Variants in CYRIB observed in about 807,000 individuals in gnomAD.
The protein encoded by CYRIB is CYFIP related Rac1 interactor B.
Under a neutral mutation model 44.2 loss-of-function variants are expected in CYRIB, and 8 were observed. The observed-to-expected ratio is 0.18, with a 90% CI of 0.11 to 0.33. CYRIB has a LOEUF of 0.33. Ranked by LOEUF, CYRIB falls within the 10% of genes least tolerant of loss-of-function variation. The pLI is 1.00. For missense variants in CYRIB, 185 were observed against 382.8 expected (o/e 0.48, Z 4.31); for synonymous variants, 131 against 127.2 (o/e 1.03, Z -0.20).
intron 2 of CYRIB, chr8:129,890,726 C>T (rs2065001932): frequency 6.6e-6 from 1 of 151,776 alleles, no homozygotes; most frequent in Non-Finnish European, 1.5e-5. Flanking sequence ...AACTCCGCCT[C>T]TACTAAAAAT....
At chr8:129,952,659 G>A (rs2094566966) in intron 2 of CYRIB, among the ~76,000 whole-genome samples, 2 of 152,024 alleles carry the variant, frequency 1.3e-5, no homozygotes, top group South Asian at 2.1e-4. Context: ...GAAGAGAAGA[G>A]GAAGCAGAAG....
At chr8:129,922,388 A>C (rs977515007) in intron 1 of CYRIB, among the ~76,000 whole-genome samples, 26 of 152,222 alleles carry the variant, frequency 1.7e-4, no homozygotes, top group African/African-American at 5.3e-4. Flanking sequence ...TATAACTCTA[A>C]AGTATAAATA....
chr8:130,005,596 G>A (rs2097037311), intron 1 of CYRIB, among the ~76,000 whole-genome samples: 1 of 152,126 alleles, frequency 6.6e-6, no homozygotes, highest in African/African-American at 2.4e-5. Flanking sequence ...AGGTTACATT[G>A]TGTGAGATAC....
intron 1 of CYRIB, among the ~76,000 whole-genome samples, chr8:129,933,921 A>C (rs1048310524): frequency 6.7e-6 from 1 of 148,714 alleles, no homozygotes; most frequent in African/African-American, 2.5e-5. Flanking sequence ...GAAGAAGAAG[A>C]ACCTGATGTG....
chr8:129,867,287 C>CA (rs2054193843), intron 4 of CYRIB, among the ~76,000 whole-genome samples: 3 of 131,126 alleles, frequency 2.3e-5, no homozygotes, highest in African/African-American at 8.3e-5. Flanking sequence ...CCACACCTGG[C>CA]TTTTTTTTTT....
intron 1 of CYRIB, among the ~76,000 whole-genome samples, chr8:129,996,043 C>T (rs1348526633): frequency 6.6e-6 from 1 of 152,190 alleles, no homozygotes; most frequent in Non-Finnish European, 1.5e-5. Context: ...CCCTGCTCTA[C>T]CCTCCACAAT....
rs1299658740 is a variant in CYRIB at position 129,868,465 on chromosome 8, T to C, written c.195+2910A>G. The C allele has an allele frequency of 2.0e-5, 3 of 152,222 alleles. No homozygotes were observed. In the East Asian group the frequency reaches 5.8e-4, roughly 29 times the overall value. The allele number at this position is 152,222 out of a possible 1,614,324, so 9.4% of individuals were successfully genotyped here. ...ATTGCTTTTTACTTTTCCCTTATATTTTGGTGTTCTTCAATGTTATTTTTC... is the reference window on the plus strand; with the variant it reads ...ATTGCTTTTTACTTTTCCCTTATATCTTGGTGTTCTTCAATGTTATTTTTC... On this transcript the variant is annotated intron_variant, in intron 4 of 11. Coordinates refer to ENST00000519824, the Ensembl canonical transcript of CYRIB.
chr8:129,882,544 C>A (rs2061167034), intron 2 of CYRIB, among the ~76,000 whole-genome samples: 1 of 152,148 alleles, frequency 6.6e-6, no homozygotes, highest in African/African-American at 2.4e-5. Context: ...GAATGAAGCC[C>A]ATATTTATCA....
chr8:129,910,675 G>A (rs1413550020), intron 1 of CYRIB, among the ~76,000 whole-genome samples: 2 of 152,034 alleles, frequency 1.3e-5, no homozygotes, highest in East Asian at 3.9e-4. Flanking sequence ...ACATACAACT[G>A]TCGTCTCAGC....
At chr8:129,870,881 G>T (rs1214003612) in intron 4 of CYRIB, among the ~76,000 whole-genome samples, 1 of 152,146 alleles carries the variant, frequency 6.6e-6, no homozygotes, top group Non-Finnish European at 1.5e-5. Context: ...TTCAGAACAG[G>T]ATGAAGAACA....
chr8:129,978,434 C>T (rs964782962), intron 1 of CYRIB, among the ~76,000 whole-genome samples: 7 of 152,152 alleles, frequency 4.6e-5, no homozygotes, highest in African/African-American at 1.7e-4. Context: ...CTGAAACCTC[C>T]ACCGTAACAG....
intron 2 of CYRIB, among the ~76,000 whole-genome samples, chr8:129,962,290 G>T (rs566309605): frequency 3.5e-4 from 53 of 151,550 alleles, no homozygotes; most frequent in Admixed American, 1.3e-3. Flanking sequence ...GACAGAAAAA[G>T]AAAAAAAATT....
At chr8:129,990,960 A>G (rs552048960) in intron 1 of CYRIB, among the ~76,000 whole-genome samples, 128 of 152,074 alleles carry the variant, frequency 8.4e-4, no homozygotes, top group African/African-American at 3.0e-3. Context: ...GCAAAAGCCC[A>G]TCTCTACTAA....
At chr8:129,996,280 C>A (rs909967150) in intron 1 of CYRIB, among the ~76,000 whole-genome samples, 1 of 152,284 alleles carries the variant, frequency 6.6e-6, no homozygotes, top group Non-Finnish European at 1.5e-5. Flanking sequence ...CACCTCACAC[C>A]CCACAGGCCA....
intron 2 of CYRIB, among the ~76,000 whole-genome samples, chr8:129,946,400 C>G (rs2094145080): frequency 6.6e-6 from 1 of 152,186 alleles, no homozygotes; most frequent in Non-Finnish European, 1.5e-5. Flanking sequence ...TGAATGAACA[C>G]TGAATCCTTT....
At chr8:129,935,154 G>C (rs772340446) in intron 1 of CYRIB, among the ~76,000 whole-genome samples, 5 of 152,142 alleles carry the variant, frequency 3.3e-5, no homozygotes, top group African/African-American at 1.2e-4. Flanking sequence ...GTCACATTAT[G>C]ACATCCGGGA....
intron 1 of CYRIB, among the ~76,000 whole-genome samples, chr8:130,007,031 G>T (rs1592370169): frequency 1.3e-5 from 2 of 152,026 alleles, no homozygotes; most frequent in East Asian, 3.9e-4. Flanking sequence ...TGCATCAAGA[G>T]GTAGATTATT....
chr8:129,933,909 AAGAAGAAGAAG>A (rs2092287629), intron 1 of CYRIB, among the ~76,000 whole-genome samples: 1 of 151,810 alleles, frequency 6.6e-6, no homozygotes, highest in Non-Finnish European at 1.5e-5. Context: ...GAAGAAGAAG[AAGAAGAAGAAG>A]AACCTGATGT....
In CYRIB at chr8:129,877,743, G is replaced by A. The variant is rs2133795409; in HGVS notation, c.73+1646C>T. Reference sequence around the variant, plus strand: ...CCACAGATTGGAAAGCCAAGACCAAGTAATCTTTTAAATACTACATTTAAA... The same window carrying A: ...CCACAGATTGGAAAGCCAAGACCAAATAATCTTTTAAATACTACATTTAAA... On this transcript the variant is annotated intron_variant, in intron 3 of 11. Coordinates refer to ENST00000519824, the Ensembl canonical transcript of CYRIB. 2.7e-5 allele frequency among the ~76,000 whole-genome samples: 4 copies of A among 150,124 alleles called. 1 individual carries two copies. In the Middle Eastern group the frequency reaches 0.014, roughly 529 times the overall value.
Sources: allele counts gnomAD v4.1 joint callset (sites outside exome capture counted in the v4.1 genomes callset), GRCh38; gene constraint gnomAD v4.1.1; transcripts MANE v1.5; gene names NCBI Gene and HGNC (gene_info 2026-07-23, HGNC 2026-07-21).